The following HPS5 variants were observed in gnomAD, a reference collection of about 807,000 sequenced individuals.
HPS5 encodes the protein BLOC-2 complex member HPS5.
Under a neutral mutation model 128.0 loss-of-function variants are expected in HPS5, and 83 were observed. The observed-to-expected ratio is 0.65, with a 90% CI of 0.54 to 0.78. The LOEUF (loss-of-function observed/expected upper bound fraction) is 0.78, where lower values mean the gene tolerates loss of function less well. HPS5 is among the 30% of genes least tolerant of loss of function. The probability of loss-of-function intolerance (pLI) is 0.00; values close to 1 mark genes in which losing one functional copy is unlikely to be tolerated. For synonymous variants in HPS5, 475 were observed against 470.2 expected, an observed-to-expected ratio of 1.01 and a Z score of -0.13; for missense variants, 1,281 against 1,326.2, an observed-to-expected ratio of 0.97 and a Z score of 0.53.
chr11:18,308,167 T>C (rs936385856), intron 6 of HPS5, among the ~76,000 whole-genome samples: 13 of 152,238 alleles, frequency 8.5e-5, no homozygotes, highest in African/African-American at 3.1e-4. Flanking sequence ...GCTCTGGTAT[T>C]TCACAGCTAC....
intron 10 of HPS5, 40 bp downstream of exon 10, chr11:18,298,752 C>A: frequency 6.2e-7 from 1 of 1,602,482 alleles, no homozygotes; most frequent in Non-Finnish European, 8.5e-7. Context: ...GAGAGTTTCA[C>A]CAATCCATGG....
chr11:18,307,767 T>C (rs1862538632), intron 6 of HPS5, among the ~76,000 whole-genome samples: 1 of 149,554 alleles, frequency 6.7e-6, no homozygotes, highest in South Asian at 2.1e-4. Flanking sequence ...ACCAAAAAAC[T>C]GTTTGTTGGG....
At chr11:18,319,741 G>A (rs575003716) in intron 1 of HPS5, among the ~76,000 whole-genome samples, 2 of 152,248 alleles carry the variant, frequency 1.3e-5, no homozygotes, top group African/African-American at 2.4e-5. Context: ...TTGAGAAAAC[G>A]GGTGGGTGAT....
chr11:18,304,512 C>G (rs1862125734), intron 8 of HPS5, among the ~76,000 whole-genome samples: 1 of 152,116 alleles, frequency 6.6e-6, no homozygotes, highest in South Asian at 2.1e-4. Context: ...CACACCCGGC[C>G]TTATAATTCA....
Position 18,279,673 on chromosome 11 carries a change from G to T in HPS5, c.*209C>A. On this transcript the variant is annotated 3_prime_UTR_variant, in exon 23 of 23. Transcript: ENST00000349215. ...TTCAACTTTGGTTAAGAAATGCTGA[G>T]TACAACTTTGGTTAAGAAACACTGA... 2 of 600,288 alleles carry T rather than the reference G, an allele frequency of 3.3e-6. No individual in the cohort carries two copies. The allele number at this position is 600,288 out of a possible 1,614,324, so 37.2% of individuals were successfully genotyped here. A position where few individuals can be genotyped will look rare whatever the true frequency, so the allele number is the denominator to read the frequency against.
rs1323469512 is a variant in HPS5 at position 18,278,780 on chromosome 11, CATTT to C, written c.*1098_*1101del. The C allele has an allele frequency of 6.6e-6, 1 of 152,444 alleles. No homozygotes were observed. Among genetic ancestry groups the C allele is most frequent in the Non-Finnish European group, 1.5e-5 (1 of 68,048 alleles). The allele number at this position is 152,444 out of a possible 1,614,324, so 9.4% of individuals were successfully genotyped here. A position where few individuals can be genotyped will look rare whatever the true frequency, so the allele number is the denominator to read the frequency against. Reference sequence around the variant, plus strand: ...CAATGAAAACTTTAGTCATATTTTACATTTATTATTAATATAACATGCTATGTAA... The same window carrying C: ...CAATGAAAACTTTAGTCATATTTTACATTATTAATATAACATGCTATGTAA... On this transcript the variant is annotated 3_prime_UTR_variant, in exon 23 of 23. Coordinates refer to ENST00000349215, the MANE Select transcript of HPS5 (RefSeq NM_181507.2).
rs375661013 is a variant in HPS5 at position 18,291,719 on chromosome 11, A to T, written c.2163T>A (p.Phe721Leu). ...CAATGGCGCATGGAGAACATATTTG[A>T]AACAGGTCATCCAAAGACTCCCTTG... is the stretch of plus-strand genomic sequence containing the variant. ...RSPRESLDDLFQICSPCAIAS... is the reference protein window; with the variant it reads ...RSPRESLDDLLQICSPCAIAS... The change falls in exon 16 of 23, where the codon TTT becomes TTA. Residue 721 changes from phenylalanine (F) to leucine (L), a missense_variant. Physicochemically the swap from Phe to Leu is conservative, Grantham distance 22. Transcript: ENST00000349215. 1 of 1,614,246 alleles carries T rather than the reference A, an allele frequency of 6.2e-7. No individual in the cohort carries two copies. Among genetic ancestry groups the T allele is most frequent in the Non-Finnish European group, 8.5e-7 (1 of 1,180,036 alleles).
chr11:18,290,103 C>G (rs1860217905), intron 16 of HPS5, among the ~76,000 whole-genome samples: 1 of 152,176 alleles, frequency 6.6e-6, no homozygotes, highest in African/African-American at 2.4e-5. Context: ...CAGGCCAGGC[C>G]TATAAGACAG....
rs556960403 is a variant in HPS5, at chr11:18,298,439, G to A, written c.1164+353C>T. Among the ~76,000 whole-genome samples the A allele has an allele frequency of 3.2e-4, 49 of 152,228 alleles. No individual in the cohort carries two copies. The South Asian group carries it at 3.9e-3, about 12-fold the overall frequency. ...GAACCCAGGAGGCAGAGGTTGCAGTGGGCCGAGATTGCGCCACTGCACTCC... is the reference window on the plus strand; with the variant it reads ...GAACCCAGGAGGCAGAGGTTGCAGTAGGCCGAGATTGCGCCACTGCACTCC... On this transcript the variant is annotated intron_variant, in intron 10 of 22. Coordinates refer to ENST00000349215, the MANE Select transcript of HPS5 (RefSeq NM_181507.2).
In HPS5 at chr11:18,283,893, G is replaced by A; in HGVS notation, c.2960C>T (p.Pro987Leu). The A allele has an allele frequency of 1.2e-6, 2 of 1,611,708 alleles. No individual in the cohort carries two copies. The highest frequency in any genetic ancestry group is 2.2e-5 in the East Asian group (1 of 44,836). The change falls in exon 21 of 23, where the codon CCT (proline) becomes CTT (leucine). Residue 987 changes from proline (P) to leucine (L), a missense_variant. By Grantham distance (98) the Pro-to-Leu change is moderately conservative. Coordinates refer to ENST00000349215, the MANE Select transcript of HPS5 (RefSeq NM_181507.2). ...TDICRSCGFW[P>L]GYLILCLELE... ...CTCCAAACAGAGAATTAGATATCCA[G>A]GCCAGAAACTTTAAAGAGACCGAAG...
chr11:18,305,554 C>T lies in HPS5; in HGVS notation c.825-61G>A, dbSNP rs1173321395. ...GTTAAAAGTATAACATAAAATTACA[C>T]TTTTCCCAATATAGGGAAATTTTTG... On this transcript the variant is annotated intron_variant, in intron 7 of 22. Coordinates refer to ENST00000349215, the MANE Select transcript of HPS5 (RefSeq NM_181507.2). 10 of 1,347,958 alleles carry T rather than the reference C, an allele frequency of 7.4e-6. No homozygotes were observed. The Admixed American group carries it at 1.7e-4, about 23-fold the overall frequency. The allele number at this position is 1,347,958 out of a possible 1,614,324, so 83.5% of individuals were successfully genotyped here. A position where few individuals can be genotyped will look rare whatever the true frequency, so the allele number is the denominator to read the frequency against.
chr11:18,306,756 C>T (rs1372231127), intron 6 of HPS5, among the ~76,000 whole-genome samples: 1 of 152,174 alleles, frequency 6.6e-6, no homozygotes, highest in Non-Finnish European at 1.5e-5. Flanking sequence ...GTTCTCCAAC[C>T]CTGTCTCCAA....
chr11:18,284,784 C>T (rs1156505318), intron 20 of HPS5, among the ~76,000 whole-genome samples: 1 of 152,134 alleles, frequency 6.6e-6, no homozygotes, highest in Non-Finnish European at 1.5e-5. Context: ...AGCCATAAGC[C>T]AGTATCACCA....
intron 17 of HPS5, 54 bp downstream of exon 17, chr11:18,287,839 C>G: frequency 1.9e-6 from 3 of 1,612,000 alleles, no homozygotes; most frequent in South Asian, 1.1e-5. Context: ...GACTAAAATA[C>G]ACAAAAAAAT....
intron 10 of HPS5, 122 bp downstream of exon 10, chr11:18,298,670 T>C: frequency 1.1e-6 from 1 of 905,606 alleles, no homozygotes; most frequent in Non-Finnish European, 1.8e-6. Context: ...GGGCATGTAT[T>C]GCTGTATCTG....
At chr11:18,317,726 C>G (rs1397420820) in intron 2 of HPS5, 25 bp downstream of exon 2, 2 of 1,609,484 alleles carry the variant, frequency 1.2e-6, no homozygotes, top group East Asian at 4.5e-5. Flanking sequence ...GAAAATGAAA[C>G]TGATACAAGG....
At chr11:18,288,152 T>G in intron 16 of HPS5, 139 bp from the exon 17 acceptor site, 1 of 830,286 alleles carries the variant, frequency 1.2e-6, no homozygotes, top group Non-Finnish European at 1.9e-6. Context: ...TATTAAGCAT[T>G]ACAAGAGAAA....
chr11:18,278,896 T>C lies in HPS5; in HGVS notation c.*986A>G, dbSNP rs977808263. On this transcript the variant is annotated 3_prime_UTR_variant, in exon 23 of 23. Coordinates refer to ENST00000349215, the MANE Select transcript of HPS5 (RefSeq NM_181507.2). ...TGCAGTCTTTATTAGTACACAGCTT[T>C]GTTATGGCTTCTTAGAAATAATTTT... 1 of 152,612 alleles carries C rather than the reference T, an allele frequency of 6.6e-6. No individual in the cohort carries two copies. The highest frequency in any genetic ancestry group is 6.5e-5 in the Admixed American group (1 of 15,288). The allele number at this position is 152,612 out of a possible 1,614,324, so 9.5% of individuals were successfully genotyped here.
chr11:18,289,898 G>A (rs1001250956), intron 16 of HPS5, among the ~76,000 whole-genome samples: 5 of 152,186 alleles, frequency 3.3e-5, no homozygotes, highest in Non-Finnish European at 5.9e-5. Flanking sequence ...TGACATATGC[G>A]ACCTTCCGCC....
Sources: allele counts gnomAD v4.1 joint callset (sites outside exome capture counted in the v4.1 genomes callset), GRCh38; gene constraint gnomAD v4.1.1; transcripts MANE v1.5; gene names NCBI Gene and HGNC (gene_info 2026-07-23, HGNC 2026-07-21).